PDE3B: variants seen among roughly 807,000 people sequenced by gnomAD.
PDE3B encodes cGMP-inhibited 3',5'-cyclic phosphodiesterase 3B.
In PDE3B, 66 loss-of-function variants were observed where a neutral mutation model predicts 116.8. The observed-to-expected ratio is 0.56, with a 90% CI of 0.46 to 0.69. The LOEUF (loss-of-function observed/expected upper bound fraction) is 0.69. PDE3B is among the 30% of genes least tolerant of loss of function. PDE3B has a pLI of 0.00. For synonymous variants in PDE3B, 595 were observed against 533.6 expected (o/e 1.12, Z -1.59); for missense variants, 1,384 against 1,368.1 (o/e 1.01, Z -0.18).
In PDE3B at chr11:14,867,489, C is replaced by CT. The variant is rs1555008246; in HGVS notation, c.2887-12dup. 4 of 1,604,004 alleles carry CT rather than the reference C, an allele frequency of 2.5e-6. No homozygotes were observed. Among genetic ancestry groups the CT allele is most frequent in the Non-Finnish European group, 2.6e-6 (3 of 1,174,524 alleles). On this transcript the variant is annotated splice_polypyrimidine_tract_variant and intron_variant, in intron 14 of 15. Coordinates refer to ENST00000282096, the MANE Select transcript of PDE3B (RefSeq NM_000922.4). ...TTTCACCAGTTAAAAATGTACTTTT[C>CT]TTTTTAAAATATGCAGGGAGATGAA... is the stretch of plus-strand genomic sequence containing the variant.
At chr11:14,722,113 A>G (rs938558885) in intron 1 of PDE3B, among the ~76,000 whole-genome samples, 4 of 151,126 alleles carry the variant, frequency 2.6e-5, no homozygotes, top group Non-Finnish European at 5.9e-5. Context: ...AAACAATGAG[A>G]ACACATGGAC....
At chr11:14,874,909 T>C (rs782162255), downstream of PDE3B, among the ~76,000 whole-genome samples, 5 of 152,198 alleles carry the variant, frequency 3.3e-5, no homozygotes, top group Non-Finnish European at 7.4e-5. Flanking sequence ...TCACTGAAAC[T>C]TGTCCTCATA....
At chr11:14,683,356 A>C (rs952567493) in intron 1 of PDE3B, among the ~76,000 whole-genome samples, 3 of 151,984 alleles carry the variant, frequency 2.0e-5, no homozygotes, top group Non-Finnish European at 2.9e-5. Context: ...CTTATTTAAT[A>C]GTTATAGAAT....
At chr11:14,668,271 A>C (rs1284251861) in intron 1 of PDE3B, among the ~76,000 whole-genome samples, 1 of 152,162 alleles carries the variant, frequency 6.6e-6, no homozygotes, top group Non-Finnish European at 1.5e-5. Context: ...ATGTGGGCCT[A>C]CATTTTTTTG....
intron 1 of PDE3B, among the ~76,000 whole-genome samples, chr11:14,718,467 C>T (rs1268655350): frequency 8.1e-5 from 12 of 148,484 alleles, no homozygotes; most frequent in East Asian, 7.9e-4. Flanking sequence ...ACAGAATATA[C>T]GTTTTTTTCA....
chr11:14,785,862 T>C (rs1858173908), intron 2 of PDE3B, among the ~76,000 whole-genome samples: 1 of 152,082 alleles, frequency 6.6e-6, no homozygotes, highest in Non-Finnish European at 1.5e-5. Context: ...ATAATATTAA[T>C]AGTAATAATA....
intron 11 of PDE3B, among the ~76,000 whole-genome samples, chr11:14,838,654 A>C (rs920186068): frequency 6.6e-6 from 1 of 152,220 alleles, no homozygotes; most frequent in Non-Finnish European, 1.5e-5. Flanking sequence ...ATCCATAATT[A>C]AACTTAAATC....
the PDE3B span, chr11:14,878,386 C>G: frequency 6.2e-6 from 8 of 1,286,402 alleles, no homozygotes; most frequent in Non-Finnish European, 8.8e-6. Context: ...TTCAGGAAAT[C>G]TGGAATTTAA....
At chr11:14,754,339 T>G (rs1252773472) in intron 1 of PDE3B, among the ~76,000 whole-genome samples, 1 of 152,134 alleles carries the variant, frequency 6.6e-6, no homozygotes, top group Non-Finnish European at 1.5e-5. Context: ...CTCATTATTA[T>G]TAATATCAAT....
At chr11:14,767,175 G>T (rs1857519714) in intron 1 of PDE3B, among the ~76,000 whole-genome samples, 1 of 151,546 alleles carries the variant, frequency 6.6e-6, no homozygotes, top group Admixed American at 6.6e-5. Context: ...GCTTGTTCTA[G>T]AAAGATTCTG....
chr11:14,691,409 C>T (rs1357336360), intron 1 of PDE3B, among the ~76,000 whole-genome samples: 1 of 151,928 alleles, frequency 6.6e-6, no homozygotes, highest in Admixed American at 6.6e-5. Context: ...TAAGTGATTG[C>T]CCCAAATCAG....
At position 14,844,010 on chromosome 11, in the gene PDE3B, C is replaced by T; in HGVS notation, c.2504C>T (p.Ala835Val). Reference protein sequence around the residue: ...HPGRTNAFLVATNAPQAVLYN... With the variant: ...HPGRTNAFLVVTNAPQAVLYN... The stretch of plus-strand genomic sequence containing the variant: ...GGGAGGACAAATGCATTTCTAGTGG[C>T]TACAAATGCCCCTCAGGTAGGAAAT... Residue 835 changes from alanine (A) to valine (V), a missense_variant, in exon 12 of 16, where the codon GCT becomes GTT. Ala to Val is a moderately conservative substitution (Grantham distance 64). This residue lies in a region of PDE3B where 428 missense variants were observed against 561.4 expected (regional missense o/e 0.76). Transcript: ENST00000282096. 1.9e-6 allele frequency: 3 copies of T among 1,613,420 alleles called. No homozygotes were observed. The highest frequency in any genetic ancestry group is 2.5e-6 in the Non-Finnish European group (3 of 1,179,386).
At chr11:14,722,548 A>C (rs1665680322) in intron 1 of PDE3B, among the ~76,000 whole-genome samples, 1 of 152,250 alleles carries the variant, frequency 6.6e-6, no homozygotes. Flanking sequence ...ATCGTTTAAT[A>C]GCAATTTTAC....
At chr11:14,805,514 A>G (rs1858891799) in intron 5 of PDE3B, among the ~76,000 whole-genome samples, 1 of 152,248 alleles carries the variant, frequency 6.6e-6, no homozygotes, top group Non-Finnish European at 1.5e-5. Flanking sequence ...CACAGTAAAA[A>G]TGTAAATCAA....
chr11:14,753,683 TA>T (rs1353836856), intron 1 of PDE3B, among the ~76,000 whole-genome samples: 1 of 152,070 alleles, frequency 6.6e-6, no homozygotes, highest in Non-Finnish European at 1.5e-5. Context: ...GAAAAGAGAA[TA>T]AAAAACAAAG....
intron 3 of PDE3B, 63 bp downstream of exon 3, chr11:14,786,748 C>A: frequency 1.5e-6 from 2 of 1,310,872 alleles, no homozygotes; most frequent in Non-Finnish European, 2.2e-6. Flanking sequence ...AAATTAACTG[C>A]TCCTTTAAAT....
At position 14,664,436 on chromosome 11, in the gene PDE3B, TAG is replaced by T. The variant is rs1854053875; in HGVS notation, c.978+19386_978+19387del. Among the ~76,000 whole-genome samples the T allele has an allele frequency of 2.0e-5, 3 of 151,876 alleles. No individual in the cohort carries two copies. In the South Asian group the frequency reaches 6.2e-4, roughly 32 times the overall value. On this transcript the variant is annotated intron_variant, in intron 1 of 15. Coordinates refer to ENST00000282096, the MANE Select transcript of PDE3B (RefSeq NM_000922.4). ...AAAATCAGAGCAGAACTGAAGGAAATAGAGTCACAAAAAACACTTCAAAAAAT... is the reference window on the plus strand; with the variant it reads ...AAAATCAGAGCAGAACTGAAGGAAATAGTCACAAAAAACACTTCAAAAAAT...
intron 5 of PDE3B, among the ~76,000 whole-genome samples, chr11:14,811,408 C>G (rs561487562): frequency 1.3e-5 from 2 of 152,238 alleles, no homozygotes; most frequent in African/African-American, 4.8e-5. Context: ...TTTCCCAGCA[C>G]CATATTAAAT....
intron 11 of PDE3B, 105 bp downstream of exon 11, chr11:14,835,200 T>A (rs1203879928): frequency 8.8e-6 from 6 of 683,036 alleles, no homozygotes; most frequent in Non-Finnish European, 1.5e-5. Flanking sequence ...AAGTAACCGT[T>A]TAGTACATAC....
Sources: gnomAD v4.1 joint callset for allele counts (sites outside exome capture counted in the v4.1 genomes callset) on GRCh38, gnomAD v4.1.1 for gene constraint, gnomAD v4.1.1 regional missense constraint, MANE v1.5 for transcripts, NCBI Gene and HGNC (gene_info 2026-07-23, HGNC 2026-07-21) for gene names.